The following TGFA variants were observed in gnomAD, a reference collection of about 807,000 sequenced individuals.
The protein encoded by TGFA is protransforming growth factor alpha.
TGFA carries 12 observed loss-of-function variants against 21.7 expected under a neutral mutation model. That is an observed-to-expected ratio of 0.55 (90% CI 0.35 to 0.90). TGFA has a LOEUF of 0.90. Ranked by LOEUF, TGFA falls within the 40% of genes least tolerant of loss-of-function variation. The pLI is 0.01. For synonymous variants in TGFA, 79 were observed against 88.1 expected (o/e 0.90, Z 0.58); for missense variants, 178 against 210.8 (o/e 0.84, Z 0.96).
intron 2 of TGFA, among the ~76,000 whole-genome samples, chr2:70,480,491 G>T (rs1553495260): frequency 6.6e-6 from 1 of 152,198 alleles, no homozygotes; most frequent in Non-Finnish European, 1.5e-5. Context: ...TCATTTCAGT[G>T]AGTGTCCAAG....
chr2:70,481,645 G>A (rs782318348), intron 2 of TGFA, among the ~76,000 whole-genome samples: 14 of 152,260 alleles, frequency 9.2e-5, no homozygotes, highest in Middle Eastern at 3.4e-3. Flanking sequence ...TGGTCTGTGC[G>A]ACCAATAGAA....
intron 2 of TGFA, among the ~76,000 whole-genome samples, chr2:70,502,880 G>A (rs962449186): frequency 2.6e-5 from 4 of 152,040 alleles, no homozygotes; most frequent in African/African-American, 7.3e-5. Context: ...AGTGCTTTAC[G>A]TATATTCTCT....
intron 1 of TGFA, among the ~76,000 whole-genome samples, chr2:70,524,263 A>G (rs186879274): frequency 9.7e-4 from 148 of 152,386 alleles, no homozygotes; most frequent in African/African-American, 3.4e-3. Context: ...TGCAGCACGC[A>G]TCTGGCTAGA....
intron 2 of TGFA, among the ~76,000 whole-genome samples, chr2:70,474,942 G>A (rs1283531182): frequency 2.0e-5 from 3 of 151,422 alleles, no homozygotes; most frequent in Non-Finnish European, 4.4e-5. Context: ...TTCCTACAAA[G>A]ATACTGGTTA....
At chr2:70,484,807 G>A (rs997144094) in intron 2 of TGFA, among the ~76,000 whole-genome samples, 7 of 152,192 alleles carry the variant, frequency 4.6e-5, no homozygotes, top group Non-Finnish European at 8.8e-5. Flanking sequence ...CTTTCCCACA[G>A]ATTCTGTGTG....
chr2:70,489,972 C>T (rs1304415065), intron 2 of TGFA, among the ~76,000 whole-genome samples: 2 of 152,128 alleles, frequency 1.3e-5, no homozygotes, highest in African/African-American at 4.8e-5. Context: ...TGGAAAAGTA[C>T]CCATGCCAGG....
chr2:70,522,860 C>A lies in TGFA; in HGVS notation c.41-7948G>T, dbSNP rs114226167. Among the ~76,000 whole-genome samples the A allele has an allele frequency of 8.7e-3, 1,332 of 152,274 alleles. 16 individuals are homozygous for A. Among genetic ancestry groups the A allele is most frequent in the African/African-American group, 0.03 (1,255 of 41,544 alleles). ...AAGTGCTCACTGAGCACCTGCTGCA[C>A]CATTAGCGGGACATTGTCTAGGTGC... On this transcript the variant is annotated intron_variant, in intron 1 of 5. Transcript: ENST00000295400.
intron 1 of TGFA, among the ~76,000 whole-genome samples, chr2:70,550,296 C>A (rs1426120533): frequency 6.6e-6 from 1 of 151,908 alleles, no homozygotes; most frequent in African/African-American, 2.4e-5. Context: ...TTATAAATAG[C>A]TTCCATATTT....
At chr2:70,487,185 A>G (rs1264116143) in intron 2 of TGFA, among the ~76,000 whole-genome samples, 1 of 152,238 alleles carries the variant, frequency 6.6e-6, no homozygotes, top group Non-Finnish European at 1.5e-5. Flanking sequence ...CCATTCACAG[A>G]TAACCACTAT....
At chr2:70,520,683 C>T (rs1191638558) in intron 1 of TGFA, among the ~76,000 whole-genome samples, 1 of 152,058 alleles carries the variant, frequency 6.6e-6, no homozygotes, top group Non-Finnish European at 1.5e-5. Flanking sequence ...GGAATCCTCC[C>T]TACTTCAACA....
At chr2:70,466,521 CCAAAAAAA>C (rs1421443392) in intron 2 of TGFA, among the ~76,000 whole-genome samples, 1 of 151,634 alleles carries the variant, frequency 6.6e-6, no homozygotes. Context: ...TCAAAAAAAA[CCAAAAAAA>C]CAAACAAACA....
chr2:70,457,320 G>A (rs1670264125), intron 3 of TGFA, among the ~76,000 whole-genome samples: 2 of 152,062 alleles, frequency 1.3e-5, no homozygotes, highest in South Asian at 4.2e-4. Context: ...GGTCTCAAAA[G>A]TGCTTCGGGA....
intron 2 of TGFA, among the ~76,000 whole-genome samples, chr2:70,498,358 C>A (rs961924720): frequency 6.6e-6 from 1 of 152,136 alleles, no homozygotes; most frequent in Non-Finnish European, 1.5e-5. Context: ...TGGCATGGGA[C>A]TAGGGTGGCA....
intron 3 of TGFA, among the ~76,000 whole-genome samples, chr2:70,463,717 G>C (rs1471037155): frequency 6.6e-6 from 1 of 152,160 alleles, no homozygotes; most frequent in Admixed American, 6.5e-5. Flanking sequence ...CCGAGCCCTG[G>C]ACGTGGCTGG....
intron 1 of TGFA, among the ~76,000 whole-genome samples, chr2:70,549,890 A>G (rs182208955): frequency 2.2e-4 from 34 of 152,344 alleles, no homozygotes; most frequent in Admixed American, 2.1e-3. Context: ...GCAAATATGG[A>G]AAACTCAGCC....
rs782034148 is a variant in TGFA at position 70,453,344 on chromosome 2, G to A, written c.366-17C>T. On this transcript the variant is annotated splice_polypyrimidine_tract_variant and intron_variant, in intron 4 of 5. Transcript: ENST00000295400. ...TGGCAGCAGCTGCAAAGACACAGAG[G>A]ACCCAGTCTGGGCAGGAGCCTGGTA... 3 of 1,610,678 alleles carry A rather than the reference G, an allele frequency of 1.9e-6. No homozygotes were observed. Among genetic ancestry groups the A allele is most frequent in the South Asian group, 2.2e-5 (2 of 90,988 alleles).
chr2:70,483,642 G>A (rs2103763682), intron 2 of TGFA, among the ~76,000 whole-genome samples: 1 of 152,278 alleles, frequency 6.6e-6, no homozygotes, highest in Non-Finnish European at 1.5e-5. Flanking sequence ...CCTGCCACAA[G>A]AGATGGACTT....
intron 1 of TGFA, among the ~76,000 whole-genome samples, chr2:70,537,700 A>G (rs1286105570): frequency 3.3e-5 from 5 of 152,230 alleles, no homozygotes; most frequent in African/African-American, 4.8e-5. Context: ...GCTGCAGAAG[A>G]AAGTTGGAAG....
chr2:70,538,700 C>A (rs1205774753), intron 1 of TGFA, among the ~76,000 whole-genome samples: 3 of 152,188 alleles, frequency 2.0e-5, no homozygotes. Context: ...TCTGGATGAA[C>A]AAAGAAAGTG....
Sources: allele counts gnomAD v4.1 joint callset (sites outside exome capture counted in the v4.1 genomes callset), GRCh38; gene constraint gnomAD v4.1.1; transcripts MANE v1.5; gene names NCBI Gene and HGNC (gene_info 2026-07-23, HGNC 2026-07-21).